Variants in FNIP2 observed in about 807,000 individuals in gnomAD.
FNIP2 encodes folliculin-interacting protein 2.
In FNIP2, 32 loss-of-function variants were observed where a neutral mutation model predicts 108.7. That is an observed-to-expected ratio of 0.29 (90% CI 0.22 to 0.40). FNIP2 has a LOEUF of 0.40. FNIP2 is among the 10% of genes least tolerant of loss of function. The pLI, the probability that FNIP2 is intolerant of heterozygous loss-of-function variation, is 1.00. For synonymous variants in FNIP2, 480 were observed against 496.7 expected, an observed-to-expected ratio of 0.97 and a Z score of 0.45; for missense variants, 1,202 against 1,381.6, an observed-to-expected ratio of 0.87 and a Z score of 2.06.
chr4:158,883,438 T>C (rs1350817466), intron 14 of FNIP2, among the ~76,000 whole-genome samples: 1 of 152,160 alleles, frequency 6.6e-6, no homozygotes, highest in East Asian at 1.9e-4. Context: ...AGACGGGGTT[T>C]CACCGTGTTA....
chr4:158,890,169 AACAG>A, intron 14 of FNIP2: 5 of 985,190 alleles, frequency 5.1e-6, no homozygotes, highest in Non-Finnish European at 6.0e-6. Flanking sequence ...AAATTATTTG[AACAG>A]ACAAATAAAT....
At chr4:158,831,710 A>C (rs1280490666) in intron 3 of FNIP2, 151 bp from the exon 4 acceptor site, 2 of 622,764 alleles carry the variant, frequency 3.2e-6, no homozygotes, top group Non-Finnish European at 5.7e-6. Flanking sequence ...GGCAATCGCC[A>C]TTATAAGTTA....
At chr4:158,811,671 C>T (rs932373380) in intron 1 of FNIP2, among the ~76,000 whole-genome samples, 2 of 152,078 alleles carry the variant, frequency 1.3e-5, no homozygotes, top group Non-Finnish European at 2.9e-5. Context: ...CACACACACA[C>T]ACAAACACAC....
chr4:158,837,565 A>G (rs1778878827), intron 7 of FNIP2, among the ~76,000 whole-genome samples: 2 of 152,262 alleles, frequency 1.3e-5, no homozygotes, highest in Non-Finnish European at 1.5e-5. Flanking sequence ...TTCAGATTCT[A>G]AATTGCTCCT....
chr4:158,822,660 G>C (rs1169948901), intron 1 of FNIP2, among the ~76,000 whole-genome samples: 1 of 152,010 alleles, frequency 6.6e-6, no homozygotes, highest in Non-Finnish European at 1.5e-5. Context: ...ATCACAACCA[G>C]CTAATTTTTA....
intron 7 of FNIP2, among the ~76,000 whole-genome samples, chr4:158,849,618 G>T (rs1038816478): frequency 4.6e-5 from 7 of 152,044 alleles, no homozygotes; most frequent in Non-Finnish European, 1.0e-4. Flanking sequence ...TAATTAGGAT[G>T]TTTTATTAAG....
intron 1 of FNIP2, among the ~76,000 whole-genome samples, chr4:158,804,413 C>CT (rs35175799): frequency 0.94 from 127,615 of 135,634 alleles, 60,463 homozygotes; most frequent in Non-Finnish European, 0.99. Flanking sequence ...GTATTATACA[C>CT]TTTTTTTTTT....
intron 2 of FNIP2, among the ~76,000 whole-genome samples, chr4:158,827,724 G>A (rs1778235675): frequency 6.6e-6 from 1 of 152,176 alleles, no homozygotes; most frequent in African/African-American, 2.4e-5. Context: ...TGGGTGCTCA[G>A]GAATAATCAA....
intron 1 of FNIP2, among the ~76,000 whole-genome samples, chr4:158,822,459 G>A (rs1289804826): frequency 2.0e-5 from 3 of 152,126 alleles, no homozygotes; most frequent in Non-Finnish European, 4.4e-5. Flanking sequence ...ACAGACATGA[G>A]CCATTGTGCC....
intron 16 of FNIP2, among the ~76,000 whole-genome samples, chr4:158,903,364 A>G (rs1729525594): frequency 1.3e-5 from 2 of 152,040 alleles, no homozygotes; most frequent in African/African-American, 4.8e-5. Context: ...AAATACAGAA[A>G]TCACCCACCT....
chr4:158,816,905 A>C (rs1401612524), intron 1 of FNIP2, among the ~76,000 whole-genome samples: 1 of 151,364 alleles, frequency 6.6e-6, no homozygotes, highest in South Asian at 2.1e-4. Flanking sequence ...TTTCTAGTTT[A>C]TAGATATCAG....
chr4:158,907,869 G>A lies in FNIP2; in HGVS notation c.*3325G>A, dbSNP rs548210258. On this transcript the variant is annotated 3_prime_UTR_variant, in exon 17 of 17. Coordinates refer to ENST00000264433, the MANE Select transcript of FNIP2 (RefSeq NM_020840.3). The stretch of plus-strand genomic sequence containing the variant: ...TAAACTTAAGTGGTATTTCAAAAAC[G>A]AGAAAATTCTGGAATTTGTCATTTG... 2.0e-5 allele frequency: 3 copies of A among 152,284 alleles called. No individual in the cohort carries two copies. Among genetic ancestry groups the A allele is most frequent in the South Asian group, 2.1e-4 (1 of 4,832 alleles). The allele number at this position is 152,284 out of a possible 1,614,324, so 9.4% of individuals were successfully genotyped here. A position where few individuals can be genotyped will look rare whatever the true frequency, so the allele number is the denominator to read the frequency against.
chr4:158,836,172 G>A (rs2126604763), intron 7 of FNIP2: 1 of 152,352 alleles, frequency 6.6e-6, no homozygotes. Context: ...GGTTTCTCCT[G>A]TGATACATGA....
chr4:158,812,224 A>G (rs1206231178), intron 1 of FNIP2, among the ~76,000 whole-genome samples: 2 of 152,172 alleles, frequency 1.3e-5, no homozygotes, highest in Non-Finnish European at 2.9e-5. Flanking sequence ...GGCAGTAACT[A>G]ATGTCTTACT....
Position 158,806,262 on chromosome 4 carries a change from A to G in FNIP2, c.108-19654A>G, listed in dbSNP as rs552179251. ...CCGTTCAGGAGATGTGCGGCGGCACAGCGAACACCACAAACCAGCCAGAGA... is the reference window on the plus strand; with the variant it reads ...CCGTTCAGGAGATGTGCGGCGGCACGGCGAACACCACAAACCAGCCAGAGA... On this transcript the variant is annotated intron_variant, in intron 1 of 16. Transcript: ENST00000264433. 1,104 of 1,289,412 alleles carry G rather than the reference A, an allele frequency of 8.6e-4. 3 individuals are homozygous for G. Among genetic ancestry groups the G allele is most frequent in the Non-Finnish European group, 9.7e-4 (963 of 988,858 alleles). 79.9% of individuals were successfully genotyped at this position (1,289,412 alleles called of 1,614,324 possible). A position where few individuals can be genotyped will look rare whatever the true frequency, so the allele number is the denominator to read the frequency against.
intron 1 of FNIP2, among the ~76,000 whole-genome samples, chr4:158,788,983 A>C (rs1776311750): frequency 6.6e-6 from 1 of 152,246 alleles, no homozygotes; most frequent in Admixed American, 6.5e-5. Flanking sequence ...TTTCTGACTA[A>C]AAGTAATGAG....
At chr4:158,779,020 C>T (rs545787976) in intron 1 of FNIP2, among the ~76,000 whole-genome samples, 4 of 152,216 alleles carry the variant, frequency 2.6e-5, no homozygotes, top group Middle Eastern at 3.4e-3. Flanking sequence ...TTTAAAGTAC[C>T]CTGAAGAAAT....
chr4:158,876,362 A>G (rs539190767), intron 14 of FNIP2, among the ~76,000 whole-genome samples: 68 of 152,328 alleles, frequency 4.5e-4, no homozygotes, highest in Non-Finnish European at 7.1e-4. Flanking sequence ...TGTAAACTCC[A>G]TAGCTGGAAT....
intron 1 of FNIP2, among the ~76,000 whole-genome samples, chr4:158,787,008 C>T (rs4434197): frequency 0.36 from 54,033 of 151,072 alleles, 9,999 homozygotes; most frequent in Middle Eastern, 0.41. Flanking sequence ...AAGTCTGTGA[C>T]TTTTTGAATT....
Sources: gnomAD v4.1 joint callset for allele counts (sites outside exome capture counted in the v4.1 genomes callset) on GRCh38, gnomAD v4.1.1 for gene constraint, MANE v1.5 for transcripts, NCBI Gene and HGNC (gene_info 2026-07-23, HGNC 2026-07-21) for gene names.